PCDHA1: variants seen among roughly 807,000 people sequenced by gnomAD.
PCDHA1 encodes the protein protocadherin alpha 1.
A neutral mutation model predicts 61.3 loss-of-function variants in PCDHA1; 42 were observed. The ratio of observed to expected loss-of-function variants is 0.69; its 90% CI spans 0.54 to 0.89. PCDHA1 has a LOEUF of 0.89. PCDHA1 is among the 40% of genes least tolerant of loss of function. The pLI is 0.00. For synonymous variants in PCDHA1, 610 were observed against 553.8 expected (o/e 1.10, Z -1.43); for missense variants, 1,256 against 1,235.3 (o/e 1.02, Z -0.25).
intron 1 of PCDHA1, chr5:140,968,079 C>T (rs782150880): frequency 5.0e-6 from 8 of 1,614,142 alleles, no homozygotes; most frequent in Admixed American, 3.3e-5. Flanking sequence ...TACAACATCA[C>T]GGTGACAGCC....
chr5:141,003,411 G>A (rs537266386), intron 3 of PCDHA1, among the ~76,000 whole-genome samples: 4 of 152,092 alleles, frequency 2.6e-5, no homozygotes, highest in Non-Finnish European at 4.4e-5. Context: ...TCCCGGGTTC[G>A]AGTGATTCTT....
intron 1 of PCDHA1, among the ~76,000 whole-genome samples, chr5:140,840,883 G>A (rs1212935487): frequency 2.6e-5 from 4 of 151,906 alleles, no homozygotes; most frequent in Non-Finnish European, 5.9e-5. Context: ...TTACATTTCT[G>A]ATATCCATGA....
intron 1 of PCDHA1, chr5:140,850,551 G>T: frequency 6.3e-7 from 1 of 1,598,324 alleles, no homozygotes; most frequent in Non-Finnish European, 8.6e-7. Context: ...GTCAGTGGGT[G>T]CCACGGGCCC....
intron 1 of PCDHA1, chr5:140,795,346 G>C (rs1554119383): frequency 4.3e-6 from 7 of 1,614,176 alleles, no homozygotes; most frequent in Non-Finnish European, 5.9e-6. Flanking sequence ...GGACATTAAC[G>C]ACAACCCGCC....
chr5:140,926,569 A>T (rs1245214494), intron 1 of PCDHA1: 1 of 261,750 alleles, frequency 3.8e-6, no homozygotes, highest in Admixed American at 5.3e-5. Context: ...CTGCTACTGG[A>T]GACAGCACCT....
chr5:140,926,906 G>A (rs781809570), intron 1 of PCDHA1: 1 of 1,559,584 alleles, frequency 6.4e-7, no homozygotes, highest in Admixed American at 1.8e-5. Context: ...GTGGGCTGTG[G>A]GGTGGCAGTT....
In PCDHA1 at chr5:140,803,707, C is replaced by G. The variant is rs190117993; in HGVS notation, c.2394+15023C>G. 173 of 1,515,308 alleles carry G rather than the reference C, an allele frequency of 1.1e-4. No homozygotes were observed. The East Asian group carries it at 3.8e-3, about 33-fold the overall frequency. The allele number at this position is 1,515,308 out of a possible 1,614,324, so 93.9% of individuals were successfully genotyped here. A position where few individuals can be genotyped will look rare whatever the true frequency, so the allele number is the denominator to read the frequency against. On this transcript the variant is annotated intron_variant, in intron 1 of 3. Transcript: ENST00000504120. ...ATGAATTATGTGATTCATAATTAGACTTTTCCAGTTTTGTGGTTTTGTGGT... is the reference window on the plus strand; with the variant it reads ...ATGAATTATGTGATTCATAATTAGAGTTTTCCAGTTTTGTGGTTTTGTGGT...
chr5:140,893,138 A>G (rs1336386852), intron 1 of PCDHA1, among the ~76,000 whole-genome samples: 1 of 152,142 alleles, frequency 6.6e-6, no homozygotes, highest in Non-Finnish European at 1.5e-5. Context: ...TTCTTTATCC[A>G]CTCATCTGTT....
intron 1 of PCDHA1, among the ~76,000 whole-genome samples, chr5:140,925,792 T>C (rs918762181): frequency 6.6e-6 from 1 of 152,170 alleles, no homozygotes. Flanking sequence ...AGTATCTCAG[T>C]ACTTTCCCCT....
intron 3 of PCDHA1, among the ~76,000 whole-genome samples, chr5:140,994,753 G>A (rs143791883): frequency 1.1e-4 from 16 of 152,252 alleles, no homozygotes; most frequent in African/African-American, 3.9e-4. Context: ...AGTAGGATGT[G>A]GAGAGGAAGA....
intron 1 of PCDHA1, among the ~76,000 whole-genome samples, chr5:140,905,419 C>T (rs2071826794): frequency 6.6e-6 from 1 of 152,158 alleles, no homozygotes; most frequent in South Asian, 2.1e-4. Flanking sequence ...CAGTACCATG[C>T]TGGTTTGATA....
chr5:140,870,096 T>C, intron 1 of PCDHA1: 1 of 1,613,854 alleles, frequency 6.2e-7, no homozygotes, highest in Non-Finnish European at 8.5e-7. Context: ...CAATGGCAGG[T>C]CACTGTACAG....
Position 140,982,372 on chromosome 5 carries a change from C to G in PCDHA1, c.2454-103C>G, listed in dbSNP as rs1479669249. 1.9e-6 allele frequency: 3 copies of G among 1,554,840 alleles called. No homozygotes were observed. In the East Asian group the frequency reaches 7.0e-5, roughly 36 times the overall value. ...TTCAAGCATGAGCAGAATGTGTTAG[C>G]TGCAGCCCTGGCTTCATAGTTGTAA... On this transcript the variant is annotated intron_variant, in intron 2 of 3. Coordinates refer to ENST00000504120, the MANE Select transcript of PCDHA1 (RefSeq NM_018900.4).
chr5:140,834,637 T>C lies in PCDHA1; in HGVS notation c.2394+45953T>C, dbSNP rs2150223178. 78 of 1,614,168 alleles carry C rather than the reference T, an allele frequency of 4.8e-5. No individual in the cohort carries two copies. The highest frequency in any genetic ancestry group is 1.7e-4 in the Middle Eastern group (1 of 6,058). ...GTAAATCTGCAGAATGGCATTTTGTTTGTGAATTCTCGGATCGACCGCGAG... is the reference window on the plus strand; with the variant it reads ...GTAAATCTGCAGAATGGCATTTTGTCTGTGAATTCTCGGATCGACCGCGAG... On this transcript the variant is annotated intron_variant, in intron 1 of 3. Transcript: ENST00000504120.
intron 1 of PCDHA1, among the ~76,000 whole-genome samples, chr5:140,959,091 G>A (rs1257984257): frequency 3.3e-5 from 5 of 152,048 alleles, no homozygotes; most frequent in African/African-American, 1.2e-4. Context: ...CTTGGTTTCG[G>A]ACATTCAGCA....
At chr5:141,000,854 G>A (rs2097968530) in intron 3 of PCDHA1, among the ~76,000 whole-genome samples, 1 of 152,010 alleles carries the variant, frequency 6.6e-6, no homozygotes, top group Non-Finnish European at 1.5e-5. Flanking sequence ...CTGGCAGTCA[G>A]CCATGACCTC....
chr5:140,967,066 C>T (rs782715200), intron 1 of PCDHA1: 4 of 1,612,790 alleles, frequency 2.5e-6, no homozygotes, highest in African/African-American at 1.3e-5. Flanking sequence ...GAGCGCTCTT[C>T]GTCAACGAGC....
At chr5:140,970,006 A>G (rs2096376265) in intron 1 of PCDHA1, among the ~76,000 whole-genome samples, 1 of 152,158 alleles carries the variant, frequency 6.6e-6, no homozygotes, top group Non-Finnish European at 1.5e-5. Context: ...GAGGGAGTGG[A>G]TGATGGTGAG....
intron 1 of PCDHA1, chr5:140,821,783 A>T (rs2150110665): frequency 2.5e-6 from 4 of 1,610,396 alleles, no homozygotes; most frequent in Non-Finnish European, 2.5e-6. Flanking sequence ...GAGATGGTAT[A>T]TTCCCGGAGA....
Sources: allele counts gnomAD v4.1 joint callset (sites outside exome capture counted in the v4.1 genomes callset), GRCh38; gene constraint gnomAD v4.1.1; transcripts MANE v1.5; gene names NCBI Gene and HGNC (gene_info 2026-07-23, HGNC 2026-07-21).